PYY: variants seen among roughly 807,000 people sequenced by gnomAD.
The protein encoded by PYY is peptide YY, also known as peptide tyrosine tyrosine.
In PYY, 12 loss-of-function variants were observed where a neutral mutation model predicts 10.3. The observed-to-expected ratio is 1.17, with a 90% CI of 0.75 to 1.89. PYY has a LOEUF of 1.89. Among genes scored for constraint, PYY ranks in the 40% most tolerant of loss-of-function variants. The pLI is 0.00. For synonymous variants in PYY, 66 were observed against 62.0 expected (o/e 1.06, Z -0.30); for missense variants, 141 against 134.0 (o/e 1.05, Z -0.26).
Position 43,961,736 on chromosome 17 carries a change from T to C in PYY, c.-217-3708A>G, listed in dbSNP as rs566132026. Among the ~76,000 whole-genome samples the C allele has an allele frequency of 6.6e-5, 10 of 152,094 alleles. No individual in the cohort carries two copies. The East Asian group carries it at 1.9e-3, about 29-fold the overall frequency. On this transcript the variant is annotated intron_variant, in intron 2 of 6. Transcript: ENST00000360085. ...TTGTATTTTTAGTAGAGACAGGGTTTCCCCCATGTTGGCCAGGCTGGTCTT... is the reference window on the plus strand; with the variant it reads ...TTGTATTTTTAGTAGAGACAGGGTTCCCCCCATGTTGGCCAGGCTGGTCTT...
chr17:43,971,676 T>C (rs1446421596), intron 1 of PYY, among the ~76,000 whole-genome samples: 2 of 137,908 alleles, frequency 1.5e-5, no homozygotes, highest in African/African-American at 6.2e-5. Context: ...TGTCTGTTCA[T>C]GTGGTTTTTT....
At chr17:43,971,527 G>A (rs1481022467) in intron 1 of PYY, among the ~76,000 whole-genome samples, 1 of 147,660 alleles carries the variant, frequency 6.8e-6, no homozygotes, top group African/African-American at 2.5e-5. Context: ...CCAAGATCAT[G>A]CCACCACACT....
At chr17:43,957,343 A>G (rs2048681006), upstream of PYY, among the ~76,000 whole-genome samples, 1 of 151,958 alleles carries the variant, frequency 6.6e-6, no homozygotes, top group Admixed American at 6.6e-5. Context: ...CATTCTAGTG[A>G]CAGGAAATAG....
At chr17:43,975,663 G>A (rs1173965060) in intron 1 of PYY, among the ~76,000 whole-genome samples, 4 of 150,302 alleles carry the variant, frequency 2.7e-5, no homozygotes, top group African/African-American at 4.9e-5. Flanking sequence ...AGGCTGCAGT[G>A]AGCCGAGATC....
upstream of PYY, among the ~76,000 whole-genome samples, chr17:43,957,519 G>A (rs35430927): frequency 0.02 from 3,111 of 152,148 alleles, 104 homozygotes; most frequent in African/African-American, 0.072. Flanking sequence ...TTAGCCAAGC[G>A]CAGTGGCGGG....
chr17:43,999,467 G>A (rs761053292), intron 1 of PYY, among the ~76,000 whole-genome samples: 1 of 152,046 alleles, frequency 6.6e-6, no homozygotes, highest in Non-Finnish European at 1.5e-5. Flanking sequence ...TTAGAGGCCG[G>A]GCACGGTCGC....
At chr17:43,964,619 G>T (rs1249875733) in intron 2 of PYY, among the ~76,000 whole-genome samples, 1 of 152,124 alleles carries the variant, frequency 6.6e-6, no homozygotes, top group Non-Finnish European at 1.5e-5. Context: ...GCATGGTGGC[G>T]CATGCCTGTA....
At chr17:43,998,529 A>G (rs1296346975) in intron 1 of PYY, among the ~76,000 whole-genome samples, 3 of 151,984 alleles carry the variant, frequency 2.0e-5, no homozygotes, top group Non-Finnish European at 4.4e-5. Context: ...CTGCACTTCA[A>G]TCTGGGTGAC....
At chr17:43,965,496 T>G (rs1321805927) in intron 2 of PYY, among the ~76,000 whole-genome samples, 1 of 110,860 alleles carries the variant, frequency 9.0e-6, no homozygotes, top group Non-Finnish European at 1.9e-5. Flanking sequence ...AAAAAAAAAA[T>G]TGTATATATT....
intron 2 of PYY, among the ~76,000 whole-genome samples, chr17:43,962,519 C>T (rs1181346357): frequency 6.6e-6 from 1 of 152,164 alleles, no homozygotes. Context: ...ACTATAGTCA[C>T]CATGCTGTAC....
intron 2 of PYY, among the ~76,000 whole-genome samples, chr17:43,963,592 A>AAGAAAGAAAGAG (rs1274055722): frequency 1.2e-5 from 1 of 83,644 alleles, no homozygotes; most frequent in Non-Finnish European, 2.7e-5. Context: ...GAAAGAAAGA[A>AAGAAAGAAAGAG]AGAAAGAAAG....
At chr17:43,971,889 T>C (rs1426707343) in intron 1 of PYY, among the ~76,000 whole-genome samples, 1 of 152,062 alleles carries the variant, frequency 6.6e-6, no homozygotes, top group Non-Finnish European at 1.5e-5. Flanking sequence ...TTGTTCTCTT[T>C]TGTGACTCAT....
At position 43,953,391 on chromosome 17, in the gene PYY, G is replaced by A. The variant is rs1187009955; in HGVS notation, c.93C>T (p.Ile31=). The part of the protein sequence containing the change: ...CLGALVDAYP[I]KPEAPREDAS... ...CGTCTTCGCGGGGAGCCTCGGGTTT[G>A]ATGGGGTAGGCGTCGACCAGCGCCC... The change falls in exon 2 of 4, where the codon ATC becomes ATT. Residue 31 remains isoleucine, a synonymous_variant. Transcript: ENST00000692052. 5.6e-6 allele frequency: 9 copies of A among 1,612,738 alleles called. No individual in the cohort carries two copies. Among genetic ancestry groups the A allele is most frequent in the African/African-American group, 1.3e-5 (1 of 74,930 alleles).
At chr17:43,971,376 C>A (rs945937925) in intron 1 of PYY, among the ~76,000 whole-genome samples, 1 of 152,078 alleles carries the variant, frequency 6.6e-6, no homozygotes, top group Non-Finnish European at 1.5e-5. Flanking sequence ...TCAAGACCAG[C>A]CTGGCCAGTA....
chr17:43,968,704 C>T (rs1280829643), intron 1 of PYY, among the ~76,000 whole-genome samples: 2 of 152,048 alleles, frequency 1.3e-5, no homozygotes, highest in South Asian at 2.1e-4. Context: ...CCCAGCTACT[C>T]GGGAGGCTGA....
At chr17:44,002,230 C>T (rs1012190586) in intron 1 of PYY, among the ~76,000 whole-genome samples, 1 of 152,182 alleles carries the variant, frequency 6.6e-6, no homozygotes, top group African/African-American at 2.4e-5. Flanking sequence ...TGGGGGACTG[C>T]GGGGAAGATC....
chr17:43,963,602 G>GAAAGAA (rs1555617119), intron 2 of PYY, among the ~76,000 whole-genome samples: 1 of 87,938 alleles, frequency 1.1e-5, no homozygotes. Context: ...AAGAAAGAAA[G>GAAAGAA]AAAGAAAGAA....
chr17:43,969,636 C>T (rs1567929723), intron 1 of PYY, among the ~76,000 whole-genome samples: 2 of 151,916 alleles, frequency 1.3e-5, no homozygotes, highest in East Asian at 1.9e-4. Flanking sequence ...GGGTATCTCA[C>T]GCCTATAATT....
At position 43,965,605 on chromosome 17, in the gene PYY, C is replaced by T. The variant is rs972322443; in HGVS notation, c.-218+683G>A. Among the ~76,000 whole-genome samples the T allele has an allele frequency of 2.0e-5, 3 of 151,776 alleles. No individual in the cohort carries two copies. In the South Asian group the frequency reaches 6.3e-4, roughly 32 times the overall value. On this transcript the variant is annotated intron_variant, in intron 2 of 6. Transcript: ENST00000360085. ...AGGAGTTCGAGACCAGCCTGGCCAA[C>T]ATGGTGAAACCCCGTCTGTACCCAA...
Sources: gnomAD v4.1 joint callset for allele counts (sites outside exome capture counted in the v4.1 genomes callset) on GRCh38, gnomAD v4.1.1 for gene constraint, MANE v1.5 for transcripts, NCBI Gene and HGNC (gene_info 2026-07-23, HGNC 2026-07-21) for gene names.